The following IGF1R variants were observed in gnomAD, a reference collection of about 807,000 sequenced individuals.
IGF1R encodes the protein insulin like growth factor 1 receptor.
In IGF1R, 44 loss-of-function variants were observed where a neutral mutation model predicts 144.6. The ratio of observed to expected loss-of-function variants is 0.30; its 90% CI spans 0.24 to 0.39. IGF1R has a LOEUF of 0.39. Ranked by LOEUF, IGF1R falls within the 10% of genes least tolerant of loss-of-function variation. IGF1R has a pLI of 1.00. For missense variants in IGF1R, 1,355 were observed against 1,833.7 expected (o/e 0.74, Z 4.77); for synonymous variants, 795 against 722.8 (o/e 1.10, Z -1.60).
chr15:98,820,668 G>A (rs114599268), intron 2 of IGF1R, among the ~76,000 whole-genome samples: 4 of 152,082 alleles, frequency 2.6e-5, no homozygotes, highest in Non-Finnish European at 4.4e-5. Flanking sequence ...AATTTTTTAC[G>A]CTTGCAGATC....
intron 2 of IGF1R, among the ~76,000 whole-genome samples, chr15:98,873,321 A>T (rs1192796835): frequency 1.3e-5 from 2 of 152,122 alleles, no homozygotes; most frequent in African/African-American, 2.4e-5. Flanking sequence ...CAGCTTCAAG[A>T]TTTCTCTTTA....
chr15:98,824,507 TTC>T (rs746436342), intron 2 of IGF1R, among the ~76,000 whole-genome samples: 65 of 152,358 alleles, frequency 4.3e-4, no homozygotes, highest in Non-Finnish European at 7.8e-4. Flanking sequence ...TGGCTCCCTG[TTC>T]TCTGTGATGT....
At chr15:98,752,916 G>T (rs1433986435) in intron 2 of IGF1R, among the ~76,000 whole-genome samples, 11 of 146,286 alleles carry the variant, frequency 7.5e-5, no homozygotes, top group Admixed American at 5.0e-4. Flanking sequence ...TATGTTTAGG[G>T]CTGGAAAATC....
intron 2 of IGF1R, among the ~76,000 whole-genome samples, chr15:98,744,963 C>G (rs1276297719): frequency 6.6e-6 from 1 of 152,114 alleles, no homozygotes; most frequent in Non-Finnish European, 1.5e-5. Flanking sequence ...GTTCTGCTGC[C>G]TCTGAGAGGA....
At chr15:98,695,973 G>C (rs1428015321) in intron 1 of IGF1R, among the ~76,000 whole-genome samples, 3 of 151,322 alleles carry the variant, frequency 2.0e-5, no homozygotes, top group African/African-American at 7.3e-5. Context: ...CTCTCCCCTG[G>C]CCCCTTACTA....
chr15:98,915,966 C>G lies in IGF1R; in HGVS notation c.1831C>G (p.Pro611Ala). The change falls in exon 9 of 21, where the codon CCT becomes GCT. Residue 611 changes from proline (P) to alanine (A), a missense_variant and splice_region_variant. Physicochemically the swap from Pro to Ala is conservative, Grantham distance 27. This residue lies in a region of IGF1R where 880 missense variants were observed against 1,202.7 expected (regional missense o/e 0.73). Coordinates refer to ENST00000650285, the MANE Select transcript of IGF1R (RefSeq NM_000875.5). ...ILYIRTNASV[P>A]SIPLDVLSAS... ...ATGTTCTTTGTTCCCCTCTCCAGTTCCTTCCATTCCCTTGGACGTTCTTTC... is the reference window on the plus strand; with the variant it reads ...ATGTTCTTTGTTCCCCTCTCCAGTTGCTTCCATTCCCTTGGACGTTCTTTC... 6.2e-7 allele frequency: 1 copy of G among 1,613,852 alleles called. No individual in the cohort carries two copies. The highest frequency in any genetic ancestry group is 8.5e-7 in the Non-Finnish European group (1 of 1,179,730).
intron 2 of IGF1R, among the ~76,000 whole-genome samples, chr15:98,885,748 A>G (rs1256193153): frequency 1.6e-4 from 24 of 151,862 alleles, no homozygotes; most frequent in East Asian, 5.8e-4. Flanking sequence ...TGTTTGCATT[A>G]TGAAATATTG....
chr15:98,917,332 A>G (rs2015299963), intron 10 of IGF1R, among the ~76,000 whole-genome samples: 1 of 152,250 alleles, frequency 6.6e-6, no homozygotes, highest in Admixed American at 6.5e-5. Context: ...TGTGCTGGAA[A>G]GGGCCTGACT....
At chr15:98,718,062 T>C (rs1349005186) in intron 2 of IGF1R, among the ~76,000 whole-genome samples, 2 of 152,138 alleles carry the variant, frequency 1.3e-5, no homozygotes, top group African/African-American at 4.8e-5. Context: ...CTCACCCCCA[T>C]TGCAGGAAAC....
chr15:98,830,596 G>T, intron 2 of IGF1R, among the ~76,000 whole-genome samples: 1 of 145,062 alleles, frequency 6.9e-6, no homozygotes, highest in Non-Finnish European at 1.5e-5. Context: ...TCCAACATCT[G>T]ATCATCATCT....
intron 20 of IGF1R, among the ~76,000 whole-genome samples, chr15:98,952,374 C>T (rs2016814644): frequency 6.6e-6 from 1 of 151,972 alleles, no homozygotes; most frequent in South Asian, 2.1e-4. Context: ...TTGAGCAGCG[C>T]AGCCACTGTT....
chr15:98,684,945 TTTTTTTTA>T (rs1310408087), intron 1 of IGF1R, among the ~76,000 whole-genome samples: 2 of 143,780 alleles, frequency 1.4e-5, no homozygotes, highest in Middle Eastern at 3.6e-3. Context: ...TTTTTTTTTT[TTTTTTTTA>T]AATTTTTGAG....
At position 98,777,033 on chromosome 15, in the gene IGF1R, C is replaced by T. The variant is rs80225705; in HGVS notation, c.640+68926C>T. On this transcript the variant is annotated intron_variant, in intron 2 of 20. Transcript: ENST00000650285. Reference sequence around the variant, plus strand: ...TCACAGAAGGCTTTGTTTCTTGGTTCTTGTTGCTGCTTTCAGCCTTGGCCT... The same window carrying T: ...TCACAGAAGGCTTTGTTTCTTGGTTTTTGTTGCTGCTTTCAGCCTTGGCCT... Among the ~76,000 whole-genome samples, 403 of 152,268 alleles carry T rather than the reference C, an allele frequency of 2.6e-3. 19 individuals are homozygous for T. In the East Asian group the frequency reaches 0.066, roughly 25 times the overall value.
At position 98,916,924 on chromosome 15, in the gene IGF1R, C is replaced by T; in HGVS notation, c.2201+48C>T. The T allele has an allele frequency of 1.3e-6, 2 of 1,540,956 alleles. 1 individual carries two copies. The highest frequency in any genetic ancestry group is 1.8e-6 in the Non-Finnish European group (2 of 1,114,656). On this transcript the variant is annotated intron_variant, in intron 10 of 20. Coordinates refer to ENST00000650285, the MANE Select transcript of IGF1R (RefSeq NM_000875.5). ...CAGTTGGCAAAACCCACTGCTCAGGCCGGTTCTGTTGCCTTTCTCCCCACC... is the reference window on the plus strand; with the variant it reads ...CAGTTGGCAAAACCCACTGCTCAGGTCGGTTCTGTTGCCTTTCTCCCCACC...
At chr15:98,660,795 A>T (rs546176567) in intron 1 of IGF1R, 1 of 152,214 alleles carries the variant, frequency 6.6e-6, no homozygotes, top group Non-Finnish European at 1.5e-5. Flanking sequence ...ACTTTGTTCC[A>T]TAAGTTCCCT....
At chr15:98,930,356 G>T (rs376300671) in intron 15 of IGF1R, 51 bp downstream of exon 15, 17 of 1,300,744 alleles carry the variant, frequency 1.3e-5, no homozygotes, top group Non-Finnish European at 1.8e-5. Context: ...GGTAGATCGG[G>T]AGCTTTCAGG....
chr15:98,748,452 G>GGC (rs2054923662), intron 2 of IGF1R, among the ~76,000 whole-genome samples: 1 of 152,204 alleles, frequency 6.6e-6, no homozygotes, highest in African/African-American at 2.4e-5. Flanking sequence ...TGGGATTACA[G>GGC]GCGTGAGCCA....
intron 7 of IGF1R, among the ~76,000 whole-genome samples, 199 bp downstream of exon 7, chr15:98,911,640 C>T (rs1051319990): frequency 3.9e-5 from 6 of 152,092 alleles, no homozygotes; most frequent in African/African-American, 1.4e-4. Context: ...CAGTGACAGC[C>T]ATGATTGGGA....
intron 2 of IGF1R, among the ~76,000 whole-genome samples, chr15:98,776,707 A>C (rs552848942): frequency 3.0e-4 from 46 of 152,246 alleles, no homozygotes; most frequent in South Asian, 2.1e-3. Context: ...CTCTCACCTG[A>C]GGCCACAGCG....
Sources: allele counts gnomAD v4.1 joint callset (sites outside exome capture counted in the v4.1 genomes callset), GRCh38; gene constraint gnomAD v4.1.1; regional missense constraint gnomAD v4.1.1; transcripts MANE v1.5; gene names NCBI Gene and HGNC (gene_info 2026-07-23, HGNC 2026-07-21).